Variants in LCN9 observed in about 807,000 individuals in gnomAD.
LCN9 encodes epididymal-specific lipocalin-9.
LCN9 carries 22 observed loss-of-function variants against 18.5 expected under a neutral mutation model. That is an observed-to-expected ratio of 1.19 (90% CI 0.85 to 1.70). LCN9 has a LOEUF of 1.70. Among genes scored for constraint, LCN9 ranks in the 40% most tolerant of loss-of-function variants. LCN9 has a pLI of 0.00. For synonymous variants in LCN9, 89 were observed against 83.0 expected (o/e 1.07, Z -0.39); for missense variants, 202 against 201.3 (o/e 1.00, Z -0.02).
At chr9:135,663,355 C>T (rs752962822) in exon 1 of LCN9, 4 of 1,613,810 alleles carry the variant, frequency 2.5e-6, no homozygotes, top group African/African-American at 2.7e-5. Flanking sequence ...GGGGCTGAGC[C>T]TCATCGCAGC....
chr9:135,665,669 A>T lies in LCN9; in HGVS notation c.419-19A>T. ...TTCCCAGCACGGGTCCCATAGCTGG[A>T]ACCCTCCTTCCTGAGCAGATTTGAA... On this transcript the variant is annotated intron_variant, in intron 4 of 5. Transcript: ENST00000619315. The surrounding 1 kb of genome is among the most constrained non-coding windows in gnomAD (Gnocchi z 5.9). The T allele has an allele frequency of 1.2e-6, 2 of 1,608,632 alleles. No individual in the cohort carries two copies. Among genetic ancestry groups the T allele is most frequent in the Non-Finnish European group, 1.7e-6 (2 of 1,176,964 alleles).
At chr9:135,663,519 G>C in intron 1 of LCN9, 102 bp downstream of exon 1, 1 of 1,037,884 alleles carries the variant, frequency 9.6e-7, no homozygotes, top group South Asian at 1.4e-5. Flanking sequence ...ACTGGTCCAA[G>C]GGGAGCCCAC....
chr9:135,665,665 C>T lies in LCN9; in HGVS notation c.419-23C>T. 1 of 1,606,032 alleles carries T rather than the reference C, an allele frequency of 6.2e-7. No individual in the cohort carries two copies. Among genetic ancestry groups the T allele is most frequent in the East Asian group, 2.2e-5 (1 of 44,710 alleles). Reference sequence around the variant, plus strand: ...TCTGTTCCCAGCACGGGTCCCATAGCTGGAACCCTCCTTCCTGAGCAGATT... The same window carrying T: ...TCTGTTCCCAGCACGGGTCCCATAGTTGGAACCCTCCTTCCTGAGCAGATT... On this transcript the variant is annotated intron_variant, in intron 4 of 5. Coordinates refer to ENST00000619315, the Ensembl canonical transcript of LCN9. The surrounding 1 kb of genome is among the most constrained non-coding windows in gnomAD (Gnocchi z 5.9).
At chr9:135,663,913 CA>C (rs1482899638) in intron 1 of LCN9, among the ~76,000 whole-genome samples, 3 of 47,974 alleles carry the variant, frequency 6.3e-5, no homozygotes, top group African/African-American at 2.0e-4. Flanking sequence ...GATCTGGGGA[CA>C]TAGGGGAGAC....
rs1279715505 is a variant in LCN9 at position 135,665,680 on chromosome 9, C to G, written c.419-8C>G. ...GGTCCCATAGCTGGAACCCTCCTTC[C>G]TGAGCAGATTTGAAGAAACCTGCGA... On this transcript the variant is annotated splice_region_variant and splice_polypyrimidine_tract_variant and intron_variant, in intron 4 of 5. Coordinates refer to ENST00000619315, the Ensembl canonical transcript of LCN9. This position sits in a 1 kb window ranked among gnomAD's most constrained non-coding sequence, Gnocchi z 5.9. 1 of 1,611,620 alleles carries G rather than the reference C, an allele frequency of 6.2e-7. No individual in the cohort carries two copies. Among genetic ancestry groups the G allele is most frequent in the South Asian group, 1.1e-5 (1 of 90,482 alleles).
rs1458195082 is a variant in LCN9, at chr9:135,665,856, T to A, written c.*10-5T>A. 1.9e-6 allele frequency: 3 copies of A among 1,612,904 alleles called. No homozygotes were observed. Among genetic ancestry groups the A allele is most frequent in the Non-Finnish European group, 2.5e-6 (3 of 1,179,486 alleles). On this transcript the variant is annotated splice_polypyrimidine_tract_variant and splice_region_variant and intron_variant, in intron 5 of 5. Coordinates refer to ENST00000619315, the Ensembl canonical transcript of LCN9. This position sits in a 1 kb window ranked among gnomAD's most constrained non-coding sequence, Gnocchi z 5.9. ...CTGCGCTGAGAGCCCCCTCTGTCCT[T>A]CCAGATCCCTGCTACTCCAAGCATT... is the stretch of plus-strand genomic sequence containing the variant.
chr9:135,665,865 C>T lies in LCN9; in HGVS notation c.*14C>T. On this transcript the variant is annotated 3_prime_UTR_variant, in exon 6 of 6. Coordinates refer to ENST00000619315, the Ensembl canonical transcript of LCN9. The surrounding 1 kb of genome is among the most constrained non-coding windows in gnomAD (Gnocchi z 5.9). ...GAGCCCCCTCTGTCCTTCCAGATCC[C>T]TGCTACTCCAAGCATTACAGGAGCC... 2 of 1,613,098 alleles carry T rather than the reference C, an allele frequency of 1.2e-6. No homozygotes were observed. Among genetic ancestry groups the T allele is most frequent in the Non-Finnish European group, 1.7e-6 (2 of 1,179,586 alleles).
exon 6 of LCN9, chr9:135,666,043 G>C: frequency 6.3e-7 from 1 of 1,599,628 alleles, no homozygotes; most frequent in South Asian, 1.1e-5. Context: ...GTGCTTTGGT[G>C]AAAGATGCTG....
At chr9:135,666,286 C>G (rs997361941) in exon 6 of LCN9, 103 of 756,260 alleles carry the variant, frequency 1.4e-4, no homozygotes, top group Non-Finnish European at 1.9e-4. Context: ...CCTGCCTCTT[C>G]CGGCTGCTGG....
rs1834184058 is a variant in LCN9, at chr9:135,664,497, T to G, written c.233+199T>G. ...GTCTGCCTGGCACTGTGCTCTTCCCTGAAACATAGAGATGAAATCGCCCCC... is the reference window on the plus strand; with the variant it reads ...GTCTGCCTGGCACTGTGCTCTTCCCGGAAACATAGAGATGAAATCGCCCCC... On this transcript the variant is annotated intron_variant, in intron 2 of 5. Transcript: ENST00000619315. This position sits in a 1 kb window ranked among gnomAD's most constrained non-coding sequence, Gnocchi z 4.5. Among the ~76,000 whole-genome samples the G allele has an allele frequency of 6.6e-6, 1 of 152,022 alleles. No homozygotes were observed.
chr9:135,664,145 G>A lies in LCN9; in HGVS notation c.97-17G>A. On this transcript the variant is annotated splice_polypyrimidine_tract_variant and intron_variant, in intron 1 of 5. Coordinates refer to ENST00000619315, the Ensembl canonical transcript of LCN9. The surrounding 1 kb of genome is among the most constrained non-coding windows in gnomAD (Gnocchi z 4.5). ...CTGTCCCGCGGCCCCCCACCCACTGGAGCTCTTTGTCTTCAGGTTTCAGGG... is the reference window on the plus strand; with the variant it reads ...CTGTCCCGCGGCCCCCCACCCACTGAAGCTCTTTGTCTTCAGGTTTCAGGG... 6.2e-7 allele frequency: 1 copy of A among 1,612,320 alleles called. No homozygotes were observed. The highest frequency in any genetic ancestry group is 8.5e-7 in the Non-Finnish European group (1 of 1,179,134).
intron 1 of LCN9, 60 bp downstream of exon 1, chr9:135,663,477 C>A (rs889443045): frequency 1.8e-5 from 27 of 1,489,564 alleles, no homozygotes; most frequent in Non-Finnish European, 2.3e-5. Flanking sequence ...TGTCTTCCCC[C>A]AGCCTGGGGT....
chr9:135,666,105 G>T (rs368295104), exon 6 of LCN9: 3 of 1,599,154 alleles, frequency 1.9e-6, no homozygotes, highest in African/African-American at 2.7e-5. Flanking sequence ...GGGTGGTAAG[G>T]TCTGAGCAGG....
At chr9:135,663,416 G>A in exon 1 of LCN9, 2 of 1,613,682 alleles carry the variant, frequency 1.2e-6, no homozygotes, top group African/African-American at 1.3e-5. Flanking sequence ...AACGTGGCCA[G>A]GGTGTGTCTG....
chr9:135,664,858 G>A lies in LCN9; in HGVS notation c.307+63G>A. 1 of 1,493,406 alleles carries A rather than the reference G, an allele frequency of 6.7e-7. No individual in the cohort carries two copies. The highest frequency in any genetic ancestry group is 9.1e-7 in the Non-Finnish European group (1 of 1,098,548). The allele number at this position is 1,493,406 out of a possible 1,614,324, so 92.5% of individuals were successfully genotyped here. On this transcript the variant is annotated intron_variant, in intron 3 of 5. Transcript: ENST00000619315. This position sits in a 1 kb window ranked among gnomAD's most constrained non-coding sequence, Gnocchi z 4.5. ...GGGGTCTCCTTTCTCCAGGGCCTGG[G>A]CCATATTCTGGTGAGCACTGACTCT...
Position 135,665,505 on chromosome 9 carries a change from G to T in LCN9, c.418+150G>T. On this transcript the variant is annotated intron_variant, in intron 4 of 5. Transcript: ENST00000619315. This position sits in a 1 kb window ranked among gnomAD's most constrained non-coding sequence, Gnocchi z 5.9. ...TTCCTTCCCACAGACACACCGTTAG[G>T]GTGCTGGGTGCTTCAATCTGTCACC... is the stretch of plus-strand genomic sequence containing the variant. The T allele has an allele frequency of 1.2e-6, 1 of 808,938 alleles. No homozygotes were observed. The highest frequency in any genetic ancestry group is 1.6e-5 in the South Asian group (1 of 61,170). The allele number at this position is 808,938 out of a possible 1,614,324, so 50.1% of individuals were successfully genotyped here. A position where few individuals can be genotyped will look rare whatever the true frequency, so the allele number is the denominator to read the frequency against.
In LCN9 at chr9:135,665,104, G is replaced by A. The variant is rs1004428324; in HGVS notation, c.308-141G>A. ...GCCCGCCCCCTGTGCAGGGGTCTCC[G>A]CTGGGTGAGCACCGTGGGCTCCTCC... On this transcript the variant is annotated intron_variant, in intron 3 of 5. Coordinates refer to ENST00000619315, the Ensembl canonical transcript of LCN9. The surrounding 1 kb of genome is among the most constrained non-coding windows in gnomAD (Gnocchi z 5.9). 50 of 678,670 alleles carry A rather than the reference G, an allele frequency of 7.4e-5. No homozygotes were observed. The highest frequency in any genetic ancestry group is 5.8e-4 in the South Asian group (34 of 58,888). The allele number at this position is 678,670 out of a possible 1,614,324, so 42.0% of individuals were successfully genotyped here. A position where few individuals can be genotyped will look rare whatever the true frequency, so the allele number is the denominator to read the frequency against.
At chr9:135,666,347 T>C in exon 6 of LCN9, 1 of 565,510 alleles carries the variant, frequency 1.8e-6, no homozygotes, top group Non-Finnish European at 3.1e-6. Context: ...TCTGCCTCTG[T>C]CTGTGTCTCC....
rs1180219223 is a variant in LCN9 at position 135,664,711 on chromosome 9, C to A, written c.234-11C>A. 1.3e-6 allele frequency: 2 copies of A among 1,574,586 alleles called. No individual in the cohort carries two copies. The highest frequency in any genetic ancestry group is 1.7e-6 in the Non-Finnish European group (2 of 1,163,524). On this transcript the variant is annotated splice_polypyrimidine_tract_variant and intron_variant, in intron 2 of 5. Transcript: ENST00000619315. The surrounding 1 kb of genome is among the most constrained non-coding windows in gnomAD (Gnocchi z 4.5). ...AGCTCCACTCCCGGCATCTTCCTGGCTGGCTTCCAGGGTGCAGGGGGAGTG... is the reference window on the plus strand; with the variant it reads ...AGCTCCACTCCCGGCATCTTCCTGGATGGCTTCCAGGGTGCAGGGGGAGTG...
Sources: gnomAD v4.1 joint callset for allele counts (sites outside exome capture counted in the v4.1 genomes callset) on GRCh38, gnomAD v4.1.1 for gene constraint, Gnocchi (gnomAD v3.1) non-coding constraint, MANE v1.5 for transcripts, NCBI Gene and HGNC (gene_info 2026-07-23, HGNC 2026-07-21) for gene names.